Variants in EIF3G observed in about 807,000 individuals in gnomAD.
EIF3G encodes the protein eukaryotic translation initiation factor 3 RNA-binding subunit.
A neutral mutation model predicts 41.7 loss-of-function variants in EIF3G; 10 were observed. That is an observed-to-expected ratio of 0.24 (90% CI 0.15 to 0.41). The LOEUF is 0.41. Ranked by LOEUF, EIF3G falls within the 10% of genes least tolerant of loss-of-function variation. The pLI is 1.00. For missense variants in EIF3G, 297 were observed against 444.0 expected, an observed-to-expected ratio of 0.67 and a Z score of 2.98; for synonymous variants, 204 against 172.5, an observed-to-expected ratio of 1.18 and a Z score of -1.43.
At position 10,119,891 on chromosome 19, in the gene EIF3G, C is replaced by G. The variant is rs377631850; in HGVS notation, c.-32G>C. The G allele has an allele frequency of 9.9e-6, 16 of 1,613,964 alleles. No individual in the cohort carries two copies. The highest frequency in any genetic ancestry group is 2.2e-5 in the East Asian group (1 of 44,892). ...AAGTATTCTCCACGCAGCCCAAGCC[C>G]GGCCAGAGAGCGGAAGCGGGCGAAA... On this transcript the variant is annotated 5_prime_UTR_variant, in exon 1 of 11. Transcript: ENST00000253108.
chr19:10,117,192 G>T lies in EIF3G; in HGVS notation c.301-4C>A, dbSNP rs1568495703. The T allele has an allele frequency of 6.2e-7, 1 of 1,603,302 alleles. No individual in the cohort carries two copies. ...AGTTCCCGAACTTCTTCCAGTTCTGGGCTCAGGGAGGGATGGGGGACAGTT... is the reference window on the plus strand; with the variant it reads ...AGTTCCCGAACTTCTTCCAGTTCTGTGCTCAGGGAGGGATGGGGGACAGTT... On this transcript the variant is annotated splice_region_variant and splice_polypyrimidine_tract_variant and intron_variant, in intron 5 of 10. Coordinates refer to ENST00000253108, the MANE Select transcript of EIF3G (RefSeq NM_003755.5).
intron 4 of EIF3G, 32 bp from the exon 5 acceptor site, chr19:10,118,759 C>T: frequency 6.2e-7 from 1 of 1,613,202 alleles, no homozygotes; most frequent in Non-Finnish European, 8.5e-7. Context: ...GGTCAGGCTC[C>T]TGGGACCAAG....
intron 2 of EIF3G, 96 bp from the exon 3 acceptor site, chr19:10,119,267 G>T: frequency 7.3e-7 from 1 of 1,368,992 alleles, no homozygotes; most frequent in Non-Finnish European, 1.0e-6. Flanking sequence ...TACAGCAAAA[G>T]CGGAGAAAGG....
At position 10,119,861 on chromosome 19, in the gene EIF3G, G is replaced by T. The variant is rs2089291780; in HGVS notation, c.-2C>A. On this transcript the variant is annotated 5_prime_UTR_variant, in exon 1 of 11. Transcript: ENST00000253108. ...TCACTCAAAGTCTCCAGTAGGCATC[G>T]CAAAAAGTATTCTCCACGCAGCCCA... is the stretch of plus-strand genomic sequence containing the variant. 3 of 1,614,012 alleles carry T rather than the reference G, an allele frequency of 1.9e-6. No homozygotes were observed. The highest frequency in any genetic ancestry group is 2.5e-6 in the Non-Finnish European group (3 of 1,180,032).
At chr19:10,115,944 C>T (rs1599325236) in intron 8 of EIF3G, 23 bp downstream of exon 8, 1 of 1,609,202 alleles carries the variant, frequency 6.2e-7, no homozygotes, top group Non-Finnish European at 8.5e-7. Flanking sequence ...CACCCACCAG[C>T]CTGGCGTCGG....
intron 10 of EIF3G, 23 bp from the exon 11 acceptor site, chr19:10,115,152 G>T (rs746215320): frequency 1.2e-6 from 2 of 1,613,366 alleles, no homozygotes; most frequent in African/African-American, 2.7e-5. Flanking sequence ...AGGGTGGCAG[G>T]TATAAGACTT....
intron 10 of EIF3G, 175 bp from the exon 11 acceptor site, chr19:10,115,304 G>A (rs1281976349): frequency 1.6e-5 from 18 of 1,110,880 alleles, no homozygotes; most frequent in Non-Finnish European, 2.0e-5. Flanking sequence ...AGGGACCCCA[G>A]GCACAAGAGC....
chr19:10,115,208 G>T (rs577281526), intron 10 of EIF3G, 79 bp from the exon 11 acceptor site: 1 of 1,567,502 alleles, frequency 6.4e-7, no homozygotes. Flanking sequence ...CATCTTGGGG[G>T]TGGGTGGGCA....
Position 10,118,929 on chromosome 19 carries a change from A to G in EIF3G, c.179T>C (p.Ile60Thr), listed in dbSNP as rs561775868. The change falls in exon 4 of 11, where the codon ATC becomes ACC. Residue 60 changes from isoleucine to threonine, a missense_variant. By Grantham distance (89) the Ile-to-Thr change is moderately conservative (BLOSUM62 -1). Transcript: ENST00000253108. ...GAPLPPPKEV[I>T]NGNIKTVTEY... ...TGTCACTGTCTTTATGTTTCCGTTG[A>G]TGACCTCCTTGGGAGGCGGCAGTGG... 3.1e-6 allele frequency: 5 copies of G among 1,613,682 alleles called. 1 individual carries two copies. In the Admixed American group the frequency reaches 8.3e-5, roughly 27 times the overall value.
chr19:10,117,277 C>A lies in EIF3G; in HGVS notation c.301-89G>T, dbSNP rs1041181021. 19 of 934,358 alleles carry A rather than the reference C, an allele frequency of 2.0e-5. No individual in the cohort carries two copies. The African/African-American group carries it at 2.8e-4, about 14-fold the overall frequency. The allele number at this position is 934,358 out of a possible 1,614,324, so 57.9% of individuals were successfully genotyped here. ...GCCCTAGACCTACAACAGCCACCCC[C>A]AGAGTGTCTGGGCCTCAAACCCCAT... On this transcript the variant is annotated intron_variant, in intron 5 of 10. Coordinates refer to ENST00000253108, the MANE Select transcript of EIF3G (RefSeq NM_003755.5).
chr19:10,117,393 T>C (rs2089268884), intron 5 of EIF3G: 1 of 554,620 alleles, frequency 1.8e-6, no homozygotes, highest in Non-Finnish European at 3.2e-6. Flanking sequence ...GCAGGGCAGC[T>C]GTCAGCCTCC....
Position 10,115,434 on chromosome 19 carries a change from G to A in EIF3G, c.947+45C>T, listed in dbSNP as rs1263326275. 5 of 1,565,364 alleles carry A rather than the reference G, an allele frequency of 3.2e-6. No individual in the cohort carries two copies. In the South Asian group the frequency reaches 4.8e-5, roughly 15 times the overall value. On this transcript the variant is annotated intron_variant, in intron 10 of 10. Coordinates refer to ENST00000253108, the MANE Select transcript of EIF3G (RefSeq NM_003755.5). Reference sequence around the variant, plus strand: ...TGGCCCAACACTCCGTGAAGGTGCTGGGACAAGGCAGGGAGCAGGGGCTGG... The same window carrying A: ...TGGCCCAACACTCCGTGAAGGTGCTAGGACAAGGCAGGGAGCAGGGGCTGG...
intron 2 of EIF3G, 70 bp from the exon 3 acceptor site, chr19:10,119,241 C>G (rs2089285615): frequency 1.3e-6 from 2 of 1,499,388 alleles, no homozygotes; most frequent in African/African-American, 2.8e-5. Flanking sequence ...GATGGAAGGG[C>G]TTTTGGGATG....
intron 5 of EIF3G, chr19:10,118,360 G>C: frequency 2.8e-6 from 1 of 361,758 alleles, no homozygotes; most frequent in South Asian, 2.3e-5. Flanking sequence ...GAGGTCAGGA[G>C]TTCGAGACCA....
In EIF3G at chr19:10,116,675, C is replaced by G. The variant is rs956213811; in HGVS notation, c.595+125G>C. 1.0e-6 allele frequency: 1 copy of G among 994,450 alleles called. No individual in the cohort carries two copies. The highest frequency in any genetic ancestry group is 1.6e-5 in the African/African-American group (1 of 61,878). 61.6% of individuals were successfully genotyped at this position (994,450 alleles called of 1,614,324 possible). On this transcript the variant is annotated intron_variant, in intron 7 of 10. Transcript: ENST00000253108. The surrounding 1 kb of genome is among the most constrained non-coding windows in gnomAD (Gnocchi z 4.1). ...GGAGGTACAGCCAATTAGGAAGGCA[C>G]AGACGCCCCGAGGAGAGTCTGGCAC...
Position 10,116,876 on chromosome 19 carries a change from A to G in EIF3G, c.519T>C (p.Asp173=). The change falls in exon 7 of 11, where the codon GAT becomes GAC. Residue 173 remains aspartate, a synonymous_variant. Coordinates refer to ENST00000253108, the MANE Select transcript of EIF3G (RefSeq NM_003755.5). This position sits in a 1 kb window ranked among gnomAD's most constrained non-coding sequence, Gnocchi z 4.1. ...GCTCCTTCTGCATGGGCCCCAGCGTATCCTTGTAGGGGCAGCGGGTGGTCC... is the reference window on the plus strand; with the variant it reads ...GCTCCTTCTGCATGGGCCCCAGCGTGTCCTTGTAGGGGCAGCGGGTGGTCC... The part of the protein sequence containing the change: ...DHWTTRCPYK[D]TLGPMQKELA... The G allele has an allele frequency of 6.2e-7, 1 of 1,613,760 alleles. No homozygotes were observed. The highest frequency in any genetic ancestry group is 8.5e-7 in the Non-Finnish European group (1 of 1,179,854).
chr19:10,117,296 AC>A, intron 5 of EIF3G, 108 bp from the exon 6 acceptor site: 2 of 753,702 alleles, frequency 2.7e-6, no homozygotes, highest in Non-Finnish European at 4.4e-6. Context: ...TGGGCCTCAA[AC>A]CCCATCTTCA....
rs1384247747 is a variant in EIF3G at position 10,119,650 on chromosome 19, T to G, written c.67+4A>C. On this transcript the variant is annotated splice_donor_region_variant and intron_variant, in intron 2 of 10. Transcript: ENST00000253108. Reference sequence around the variant, plus strand: ...GAATACCCCGGGCGACCGTGTACACTTACCGTCCTCCCCCTCCTCCTCCAC... The same window carrying G: ...GAATACCCCGGGCGACCGTGTACACGTACCGTCCTCCCCCTCCTCCTCCAC... 11 of 1,570,730 alleles carry G rather than the reference T, an allele frequency of 7.0e-6. No homozygotes were observed. In the African/African-American group the frequency reaches 9.4e-5, roughly 13 times the overall value.
At position 10,116,698 on chromosome 19, in the gene EIF3G, C is replaced by A; in HGVS notation, c.595+102G>T. 1 of 1,245,754 alleles carries A rather than the reference C, an allele frequency of 8.0e-7. No homozygotes were observed. The highest frequency in any genetic ancestry group is 1.5e-5 in the South Asian group (1 of 66,646). The allele number at this position is 1,245,754 out of a possible 1,614,324, so 77.2% of individuals were successfully genotyped here. A position where few individuals can be genotyped will look rare whatever the true frequency, so the allele number is the denominator to read the frequency against. ...CACAGACGCCCCGAGGAGAGTCTGG[C>A]ACCATCAAACCCGCTGCACTGTCGT... On this transcript the variant is annotated intron_variant, in intron 7 of 10. Transcript: ENST00000253108. The surrounding 1 kb of genome is among the most constrained non-coding windows in gnomAD (Gnocchi z 4.1).
Sources: gnomAD v4.1 joint callset for allele counts on GRCh38, gnomAD v4.1.1 for gene constraint, Gnocchi (gnomAD v3.1) non-coding constraint, MANE v1.5 for transcripts, NCBI Gene and HGNC (gene_info 2026-07-23, HGNC 2026-07-21) for gene names.